The following SLC47A1 variants were observed in gnomAD, a reference collection of about 807,000 sequenced individuals.
SLC47A1 encodes solute carrier family 47 member 1, also known as multidrug and toxin extrusion protein 1.
In SLC47A1, 58 loss-of-function variants were observed where a neutral mutation model predicts 65.8. That is an observed-to-expected ratio of 0.88 (90% CI 0.71 to 1.10). SLC47A1 has a LOEUF of 1.10. SLC47A1 is among the 50% of genes least tolerant of loss of function. The pLI is 0.00. For missense variants in SLC47A1, 706 were observed against 719.2 expected (o/e 0.98, Z 0.21); for synonymous variants, 285 against 295.0 (o/e 0.97, Z 0.35).
chr17:19,556,128 T>C lies in SLC47A1; in HGVS notation c.921+66T>C, dbSNP rs528027795. On this transcript the variant is annotated intron_variant, in intron 10 of 16. Coordinates refer to ENST00000270570, the MANE Select transcript of SLC47A1 (RefSeq NM_018242.3). The stretch of plus-strand genomic sequence containing the variant: ...TCCTTGCTTGGTATCTGAAAGAGTC[T>C]ATGGATGAGCACAGGCATTCGTACA... 15 of 1,545,436 alleles carry C rather than the reference T, an allele frequency of 9.7e-6. No individual in the cohort carries two copies. In the South Asian group the frequency reaches 1.0e-4, roughly 10 times the overall value.
intron 2 of SLC47A1, among the ~76,000 whole-genome samples, chr17:19,544,430 A>T (rs1394613358): frequency 6.6e-6 from 1 of 152,228 alleles, no homozygotes; most frequent in Non-Finnish European, 1.5e-5. Context: ...CAGTGCTTCC[A>T]GGCTGGGTGC....
intron 14 of SLC47A1, 146 bp from the exon 15 acceptor site, chr17:19,571,332 G>A (rs1597512682): frequency 1.6e-6 from 1 of 629,368 alleles, no homozygotes; most frequent in South Asian, 2.2e-5. Context: ...GAGCAGGATA[G>A]AGGTCTCTGG....
intron 12 of SLC47A1, 71 bp downstream of exon 12, chr17:19,560,564 C>G: frequency 6.8e-7 from 1 of 1,480,824 alleles, no homozygotes; most frequent in Non-Finnish European, 9.4e-7. Flanking sequence ...AATTTGTTCT[C>G]TAAAATCAGG....
chr17:19,577,604 A>C lies in SLC47A1; in HGVS notation c.*51A>C. The stretch of plus-strand genomic sequence containing the variant: ...AGTGATGCTTTTGAGCTTACACACA[A>C]TTCACAGGCCCACCAGTGACAATTT... On this transcript the variant is annotated 3_prime_UTR_variant, in exon 17 of 17. Coordinates refer to ENST00000270570, the MANE Select transcript of SLC47A1 (RefSeq NM_018242.3). The C allele has an allele frequency of 3.7e-6, 6 of 1,606,670 alleles. No individual in the cohort carries two copies. Among genetic ancestry groups the C allele is most frequent in the Non-Finnish European group, 5.1e-6 (6 of 1,175,620 alleles).
At position 19,578,199 on chromosome 17, in the gene SLC47A1, GA is replaced by G; in HGVS notation, c.*651del. Reference sequence around the variant, plus strand: ...TCTAGATCTAGGCACTGTGGACACTGAAAAACAGTTGGGAAATCTTTCGAGC... The same window carrying G: ...TCTAGATCTAGGCACTGTGGACACTGAAAACAGTTGGGAAATCTTTCGAGC... On this transcript the variant is annotated 3_prime_UTR_variant, in exon 17 of 17. Coordinates refer to ENST00000270570, the MANE Select transcript of SLC47A1 (RefSeq NM_018242.3). 1 of 356,804 alleles carries G rather than the reference GA, an allele frequency of 2.8e-6. No individual in the cohort carries two copies. Among genetic ancestry groups the G allele is most frequent in the Non-Finnish European group, 5.5e-6 (1 of 181,234 alleles). 22.1% of individuals were successfully genotyped at this position (356,804 alleles called of 1,614,324 possible). A position where few individuals can be genotyped will look rare whatever the true frequency, so the allele number is the denominator to read the frequency against.
rs1567967114 is a variant in SLC47A1, at chr17:19,546,439, T to C, written c.242T>C (p.Ile81Thr). 1 of 1,613,900 alleles carries C rather than the reference T, an allele frequency of 6.2e-7. No homozygotes were observed. Among genetic ancestry groups the C allele is most frequent in the South Asian group, 1.1e-5 (1 of 90,988 alleles). The change falls in exon 3 of 17, where the codon ATC becomes ACC. Residue 81 changes from isoleucine (I) to threonine (T), a missense_variant. Ile to Thr is a moderately conservative substitution (Grantham distance 89). Coordinates refer to ENST00000270570, the MANE Select transcript of SLC47A1 (RefSeq NM_018242.3). ...TATCTTTGGGTTTATTTGCAGGTTATCAATGTCACTGGTGTCTCAGTGGGA... is the reference window on the plus strand; with the variant it reads ...TATCTTTGGGTTTATTTGCAGGTTACCAATGTCACTGGTGTCTCAGTGGGA... ...LDAVTLAIAVINVTGVSVGFG... is the reference protein window; with the variant it reads ...LDAVTLAIAVTNVTGVSVGFG...
intron 12 of SLC47A1, among the ~76,000 whole-genome samples, chr17:19,565,689 T>G (rs2084350930): frequency 6.7e-6 from 1 of 149,466 alleles, no homozygotes; most frequent in Non-Finnish European, 1.5e-5. Flanking sequence ...CACGCCATTC[T>G]CCTGTCTCAG....
chr17:19,568,282 G>A (rs921345184), intron 14 of SLC47A1, among the ~76,000 whole-genome samples: 1 of 152,172 alleles, frequency 6.6e-6, no homozygotes, highest in Non-Finnish European at 1.5e-5. Context: ...GTTGTTCAAA[G>A]AATAGTATTG....
chr17:19,553,957 C>T (rs1916528490), intron 6 of SLC47A1, among the ~76,000 whole-genome samples: 1 of 152,216 alleles, frequency 6.6e-6, no homozygotes, highest in African/African-American at 2.4e-5. Flanking sequence ...TTGCTACAAA[C>T]TAACCAGGGC....
Position 19,578,129 on chromosome 17 carries a change from G to A in SLC47A1, c.*576G>A, listed in dbSNP as rs1472106892. On this transcript the variant is annotated 3_prime_UTR_variant, in exon 17 of 17. Transcript: ENST00000270570. ...CACCAGAGTAGCTGAGACTACAGGG[G>A]TATGCCACCATGCCCAGCTGGCATT... The A allele has an allele frequency of 2.1e-6, 1 of 481,690 alleles. No individual in the cohort carries two copies. Among genetic ancestry groups the A allele is most frequent in the African/African-American group, 2.0e-5 (1 of 50,140 alleles). The allele number at this position is 481,690 out of a possible 1,614,324, so 29.8% of individuals were successfully genotyped here.
Position 19,555,272 on chromosome 17 carries a change from A to G in SLC47A1, c.604A>G (p.Asn202Asp), listed in dbSNP as rs1916569481. The G allele has an allele frequency of 1.9e-6, 3 of 1,614,202 alleles. No homozygotes were observed. Among genetic ancestry groups the G allele is most frequent in the Non-Finnish European group, 2.5e-6 (3 of 1,180,030 alleles). Residue 202 changes from asparagine (N) to aspartate (D), a missense_variant, in exon 7 of 17, where the codon AAC becomes GAC. By Grantham distance (23) the Asn-to-Asp change is conservative (BLOSUM62 1). Transcript: ENST00000270570. ...AGCCAACCTTGTCAATGCCCTCGCC[A>G]ACTATCTGTTTCTCCATCAACTGCA... ...VAANLVNALA[N>D]YLFLHQLHLG...
chr17:19,570,604 G>A (rs766578452), intron 14 of SLC47A1, among the ~76,000 whole-genome samples: 2 of 152,248 alleles, frequency 1.3e-5, no homozygotes, highest in Non-Finnish European at 2.9e-5. Context: ...AATCGTTACA[G>A]AAGTTACTGG....
Position 19,577,659 on chromosome 17 carries a change from C to T in SLC47A1, c.*106C>T. ...TGAGTTAATGTCATTCAGGTGTGCC[C>T]ATGGATTTTGAGGGCTGGAAATGCA... On this transcript the variant is annotated 3_prime_UTR_variant, in exon 17 of 17. Coordinates refer to ENST00000270570, the MANE Select transcript of SLC47A1 (RefSeq NM_018242.3). 6.6e-7 allele frequency: 1 copy of T among 1,521,622 alleles called. No individual in the cohort carries two copies. Among genetic ancestry groups the T allele is most frequent in the South Asian group, 1.3e-5 (1 of 76,604 alleles). The allele number at this position is 1,521,622 out of a possible 1,614,324, so 94.3% of individuals were successfully genotyped here.
At chr17:19,542,631 G>A in intron 2 of SLC47A1, 137 bp downstream of exon 2, 1 of 643,516 alleles carries the variant, frequency 1.6e-6, no homozygotes, top group Non-Finnish European at 2.5e-6. Context: ...GCAGAAGTCT[G>A]AAGTGGGTTT....
intron 12 of SLC47A1, among the ~76,000 whole-genome samples, chr17:19,566,519 G>A (rs986492452): frequency 2.0e-5 from 3 of 152,020 alleles, no homozygotes; most frequent in East Asian, 1.9e-4. Flanking sequence ...TCTGCCTCCC[G>A]GGTTCAAGCG....
At chr17:19,563,378 C>T (rs9674780) in intron 12 of SLC47A1, among the ~76,000 whole-genome samples, 2,564 of 151,846 alleles carry the variant, frequency 0.017, 79 homozygotes, top group African/African-American at 0.058. Context: ...GTGATCCGCC[C>T]GCCTCGGCCT....
intron 1 of SLC47A1, among the ~76,000 whole-genome samples, chr17:19,536,325 C>T (rs1305225574): frequency 2.6e-5 from 4 of 151,916 alleles, no homozygotes; most frequent in Non-Finnish European, 5.9e-5. Context: ...TAGCCTGATC[C>T]CCTTGATGTG....
chr17:19,570,645 G>A (rs764292961), intron 14 of SLC47A1, among the ~76,000 whole-genome samples: 4 of 152,198 alleles, frequency 2.6e-5, no homozygotes, highest in Non-Finnish European at 5.9e-5. Context: ...CAAAGGCAGC[G>A]ATCTTGCTTC....
chr17:19,576,405 G>A (rs1212907284), intron 16 of SLC47A1, among the ~76,000 whole-genome samples: 2 of 138,298 alleles, frequency 1.4e-5, no homozygotes, highest in Admixed American at 7.9e-5. Flanking sequence ...AGGCTGGACT[G>A]CAGTAGCACA....
Sources: allele counts gnomAD v4.1 joint callset (sites outside exome capture counted in the v4.1 genomes callset), GRCh38; gene constraint gnomAD v4.1.1; transcripts MANE v1.5; gene names NCBI Gene and HGNC (gene_info 2026-07-23, HGNC 2026-07-21).